The following PARD3B variants were observed in gnomAD, a reference collection of about 807,000 sequenced individuals.
PARD3B encodes par-3 family cell polarity regulator beta, also known as partitioning defective 3 homolog B.
In PARD3B, 103 loss-of-function variants were observed where a neutral mutation model predicts 130.2. That is an observed-to-expected ratio of 0.79 (90% CI 0.67 to 0.93). The LOEUF (loss-of-function observed/expected upper bound fraction) is 0.93. Ranked by LOEUF, PARD3B falls within the 40% of genes least tolerant of loss-of-function variation. The pLI, the probability that PARD3B is intolerant of heterozygous loss-of-function variation, is 0.00. For missense variants in PARD3B, 1,609 were observed against 1,499.2 expected (o/e 1.07, Z -1.21); for synonymous variants, 583 against 553.2 (o/e 1.05, Z -0.76).
chr2:204,938,434 C>G (rs978716081), intron 2 of PARD3B, among the ~76,000 whole-genome samples: 3 of 152,198 alleles, frequency 2.0e-5, no homozygotes, highest in Admixed American at 1.3e-4. Context: ...TTTCTGACTC[C>G]CAGTCATCTT....
At chr2:204,955,847 C>T (rs1423446452) in intron 2 of PARD3B, among the ~76,000 whole-genome samples, 1 of 152,164 alleles carries the variant, frequency 6.6e-6, no homozygotes, top group African/African-American at 2.4e-5. Context: ...ACCAAGGACC[C>T]TCGTGCTATG....
chr2:205,177,123 T>G (rs2035519426), intron 13 of PARD3B, among the ~76,000 whole-genome samples: 1 of 152,154 alleles, frequency 6.6e-6, no homozygotes, highest in Non-Finnish European at 1.5e-5. Flanking sequence ...TCTAGCTGAC[T>G]CCAGATGTAA....
At chr2:204,830,982 A>G (rs1204708085) in intron 2 of PARD3B, among the ~76,000 whole-genome samples, 2 of 152,238 alleles carry the variant, frequency 1.3e-5, no homozygotes, top group African/African-American at 4.8e-5. Context: ...TACCTATTAT[A>G]CTATAAAATG....
intron 2 of PARD3B, among the ~76,000 whole-genome samples, chr2:204,963,866 G>C (rs1690966797): frequency 6.6e-6 from 1 of 152,166 alleles, no homozygotes; most frequent in African/African-American, 2.4e-5. Context: ...AGGATTGTTG[G>C]ATTTTCCAAT....
At chr2:204,775,809 C>G (rs1286131826) in intron 2 of PARD3B, among the ~76,000 whole-genome samples, 1 of 151,900 alleles carries the variant, frequency 6.6e-6, no homozygotes, top group East Asian at 1.9e-4. Context: ...AGCTCCCTGT[C>G]ATCTGAGGAG....
At chr2:204,563,975 C>T (rs1036108608) in intron 1 of PARD3B, among the ~76,000 whole-genome samples, 1 of 152,100 alleles carries the variant, frequency 6.6e-6, no homozygotes, top group Admixed American at 6.6e-5. Context: ...GGGGTTTAAC[C>T]GTGTTAGCCA....
chr2:205,523,209 ATGTGTG>A (rs36030743), intron 21 of PARD3B, among the ~76,000 whole-genome samples: 37,996 of 141,190 alleles, frequency 0.27, 5,564 homozygotes, highest in Admixed American at 0.4. Flanking sequence ...CGTGTACTAT[ATGTGTG>A]TGTGTGTGTG....
At chr2:204,855,411 G>A (rs981194376) in intron 2 of PARD3B, among the ~76,000 whole-genome samples, 8 of 151,718 alleles carry the variant, frequency 5.3e-5, no homozygotes, top group African/African-American at 1.5e-4. Context: ...GTGTGGTAGC[G>A]TGTACCTGTA....
At chr2:205,251,054 C>G (rs905350829) in intron 16 of PARD3B, among the ~76,000 whole-genome samples, 1 of 152,172 alleles carries the variant, frequency 6.6e-6, no homozygotes, top group African/African-American at 2.4e-5. Context: ...ATTTCACTAG[C>G]ACATGCCTTA....
At chr2:204,704,187 C>T (rs1230386012) in intron 2 of PARD3B, among the ~76,000 whole-genome samples, 2 of 152,128 alleles carry the variant, frequency 1.3e-5, no homozygotes, top group East Asian at 3.8e-4. Flanking sequence ...CACTATTCAT[C>T]TCCAGAACTT....
chr2:205,315,918 C>T (rs1202486505), intron 18 of PARD3B, among the ~76,000 whole-genome samples: 1 of 152,138 alleles, frequency 6.6e-6, no homozygotes, highest in African/African-American at 2.4e-5. Context: ...CCATTGAGTA[C>T]TTCCTGTAGG....
At chr2:204,608,023 A>G (rs2033789162) in intron 1 of PARD3B, among the ~76,000 whole-genome samples, 1 of 152,138 alleles carries the variant, frequency 6.6e-6, no homozygotes, top group Non-Finnish European at 1.5e-5. Flanking sequence ...TGGGACCCTT[A>G]GTTTAGAATC....
intron 22 of PARD3B, among the ~76,000 whole-genome samples, chr2:205,588,521 A>ATGTGTG (rs2054276422): frequency 6.6e-6 from 1 of 151,734 alleles, no homozygotes; most frequent in Non-Finnish European, 1.5e-5. Flanking sequence ...GTGTGCGTGC[A>ATGTGTG]TGTGTGTGTG....
At chr2:205,159,102 A>T (rs1182985007) in intron 11 of PARD3B, among the ~76,000 whole-genome samples, 195 bp downstream of exon 11, 1 of 152,208 alleles carries the variant, frequency 6.6e-6, no homozygotes, top group Non-Finnish European at 1.5e-5. Flanking sequence ...GGTTATTTTT[A>T]CTTCTTAGAG....
intron 2 of PARD3B, among the ~76,000 whole-genome samples, chr2:204,807,073 T>C (rs2125514246): frequency 6.6e-6 from 1 of 152,216 alleles, no homozygotes; most frequent in East Asian, 1.9e-4. Context: ...GGCAAGAGTG[T>C]GTGTGCAGGG....
intron 2 of PARD3B, among the ~76,000 whole-genome samples, chr2:204,863,465 C>T (rs1287297414): frequency 3.9e-5 from 6 of 152,124 alleles, no homozygotes; most frequent in Non-Finnish European, 7.4e-5. Context: ...CATTAGGAAT[C>T]GGAATTTCAG....
intron 3 of PARD3B, among the ~76,000 whole-genome samples, chr2:204,998,416 GTATATATGTGTA>G: frequency 4.0e-5 from 1 of 25,282 alleles, no homozygotes; most frequent in African/African-American, 1.2e-4. Flanking sequence ...GTATATATAT[GTATATATGTGTA>G]TATATATGTG....
intron 16 of PARD3B, among the ~76,000 whole-genome samples, chr2:205,290,822 G>A (rs1559626960): frequency 1.3e-5 from 2 of 152,118 alleles, no homozygotes; most frequent in Admixed American, 1.3e-4. Context: ...GAACCCTCTT[G>A]AATAGGTTTA....
At position 205,288,787 on chromosome 2, in the gene PARD3B, A is replaced by G. The variant is rs1029333957; in HGVS notation, c.2186-11743A>G. Among the ~76,000 whole-genome samples the G allele has an allele frequency of 9.2e-5, 14 of 152,168 alleles. No homozygotes were observed. Among genetic ancestry groups the G allele is most frequent in the Admixed American group, 9.2e-4 (14 of 15,284 alleles). On this transcript the variant is annotated intron_variant, in intron 16 of 22. Coordinates refer to ENST00000406610, the MANE Select transcript of PARD3B (RefSeq NM_001302769.2). The surrounding 1 kb of genome is among the most constrained non-coding windows in gnomAD (Gnocchi z 4.0). ...CTCCTACTTCTCTTACCTATATATC[A>G]TCCATCTTCAAGGATATGACCCACA...
Sources: gnomAD v4.1 joint callset for allele counts (sites outside exome capture counted in the v4.1 genomes callset) on GRCh38, gnomAD v4.1.1 for gene constraint, Gnocchi (gnomAD v3.1) non-coding constraint, MANE v1.5 for transcripts, NCBI Gene and HGNC (gene_info 2026-07-23, HGNC 2026-07-21) for gene names.